The following CFAP61 variants were observed in gnomAD, a reference collection of about 807,000 sequenced individuals.
The protein encoded by CFAP61 is cilia and flagella associated protein 61, also known as cilia- and flagella-associated protein 61.
In CFAP61, 107 loss-of-function variants were observed where a neutral mutation model predicts 135.6. The ratio of observed to expected loss-of-function variants is 0.79; its 90% CI spans 0.67 to 0.93. CFAP61 has a LOEUF of 0.93. Among genes scored for constraint, CFAP61 ranks in the 40% least tolerant of loss-of-function variants. CFAP61 has a pLI of 0.00. For missense variants in CFAP61, 1,507 were observed against 1,556.2 expected, an observed-to-expected ratio of 0.97 and a Z score of 0.53; for synonymous variants, 575 against 578.5, an observed-to-expected ratio of 0.99 and a Z score of 0.09.
chr20:20,208,688 A>T (rs1025187587), intron 17 of CFAP61, among the ~76,000 whole-genome samples: 1 of 152,188 alleles, frequency 6.6e-6, no homozygotes, highest in Admixed American at 6.5e-5. Context: ...GATGCAGGAG[A>T]TGCCATCCTC....
chr20:20,277,047 T>G (rs2053814277), intron 21 of CFAP61, 119 bp from the exon 22 acceptor site: 1 of 748,534 alleles, frequency 1.3e-6, no homozygotes, highest in African/African-American at 1.7e-5. Flanking sequence ...GTAACACCGC[T>G]GGCTTCCTGC....
rs779485363 is a variant in CFAP61, at chr20:20,359,263, T to TCTAA, written c.3514-947_3514-946insCTAA. Among the ~76,000 whole-genome samples, 1 of 152,230 alleles carries TCTAA rather than the reference T, an allele frequency of 6.6e-6. No homozygotes were observed. Among genetic ancestry groups the TCTAA allele is most frequent in the Non-Finnish European group, 1.5e-5 (1 of 68,040 alleles). ...ACTTGATTGTGAATTTATTCTAAGGTTTTAAAATCCCACTTCTTGGGAATT... is the reference window on the plus strand; with the variant it reads ...ACTTGATTGTGAATTTATTCTAAGGTCTAATTTAAAATCCCACTTCTTGGGAATT... On this transcript the variant is annotated intron_variant, in intron 26 of 26. Coordinates refer to ENST00000245957, the MANE Select transcript of CFAP61 (RefSeq NM_015585.4). The surrounding 1 kb of genome is among the most constrained non-coding windows in gnomAD (Gnocchi z 4.0).
chr20:20,199,969 C>A, intron 17 of CFAP61, 67 bp downstream of exon 17: 1 of 1,558,022 alleles, frequency 6.4e-7, no homozygotes, highest in Non-Finnish European at 8.8e-7. Context: ...GATGGGGTGG[C>A]AGTGCTGTCT....
chr20:20,166,248 G>A, intron 11 of CFAP61, 149 bp from the exon 12 acceptor site: 2 of 606,210 alleles, frequency 3.3e-6, no homozygotes, highest in East Asian at 2.8e-5. Context: ...TGCGACTTAT[G>A]CACCCCATTA....
At chr20:20,074,455 T>C in intron 4 of CFAP61, 77 bp downstream of exon 4, 1 of 1,264,908 alleles carries the variant, frequency 7.9e-7, no homozygotes, top group Non-Finnish European at 1.2e-6. Flanking sequence ...TTAAAAGACA[T>C]GAAATTCTTT....
intron 22 of CFAP61, 66 bp downstream of exon 22, chr20:20,277,524 G>T: frequency 6.7e-7 from 1 of 1,487,742 alleles, no homozygotes; most frequent in Non-Finnish European, 9.1e-7. Flanking sequence ...GGGATTTGGG[G>T]GTCTGGAAGA....
chr20:20,135,283 C>T (rs1320771106), intron 8 of CFAP61, among the ~76,000 whole-genome samples: 2 of 152,178 alleles, frequency 1.3e-5, no homozygotes, highest in African/African-American at 4.8e-5. Flanking sequence ...TGATTTCCAA[C>T]TTCTTATCTC....
At chr20:20,163,775 C>T (rs2053597503) in intron 10 of CFAP61, among the ~76,000 whole-genome samples, 1 of 152,026 alleles carries the variant, frequency 6.6e-6, no homozygotes, top group South Asian at 2.1e-4. Context: ...TCCCTTTCCC[C>T]CCGACCCCCC....
rs199646093 is a variant in CFAP61, at chr20:20,118,853, A to ATT, written c.859+20051_859+20052dup. Among the ~76,000 whole-genome samples, 31 of 144,612 alleles carry ATT rather than the reference A, an allele frequency of 2.1e-4. No homozygotes were observed. In the East Asian group the frequency reaches 3.2e-3, roughly 15 times the overall value. The allele number at this position is 144,612 out of a possible 152,430, so 94.9% of individuals were successfully genotyped here. ...GAATCCCATTTGATCTTGGGGAATA[A>ATT]TTTTTTTTTTTTTGAGACAGAATTT... On this transcript the variant is annotated intron_variant, in intron 8 of 26. Coordinates refer to ENST00000245957, the MANE Select transcript of CFAP61 (RefSeq NM_015585.4).
chr20:20,304,794 G>C lies in CFAP61; in HGVS notation c.3422+6408G>C, dbSNP rs576543174. Among the ~76,000 whole-genome samples, 3 of 152,124 alleles carry C rather than the reference G, an allele frequency of 2.0e-5. No individual in the cohort carries two copies. The East Asian group carries it at 5.8e-4, about 30-fold the overall frequency. On this transcript the variant is annotated intron_variant, in intron 25 of 26. Transcript: ENST00000245957. ...TGGAGAGGAGAGGGGAGGCTGAGGCGGCTTCTTGAGATGCCGCCTGTCAGG... is the reference window on the plus strand; with the variant it reads ...TGGAGAGGAGAGGGGAGGCTGAGGCCGCTTCTTGAGATGCCGCCTGTCAGG...
At chr20:20,319,918 G>GA (rs1330113357) in intron 25 of CFAP61, among the ~76,000 whole-genome samples, 3 of 152,118 alleles carry the variant, frequency 2.0e-5, no homozygotes, top group African/African-American at 7.2e-5. Flanking sequence ...TCCTTGGTGG[G>GA]AAAACACACC....
At chr20:20,344,610 G>A (rs1020604600) in intron 26 of CFAP61, among the ~76,000 whole-genome samples, 2 of 152,294 alleles carry the variant, frequency 1.3e-5, no homozygotes, top group Admixed American at 6.5e-5. Context: ...ACAAATGCTG[G>A]CGAGGATGTG....
intron 17 of CFAP61, among the ~76,000 whole-genome samples, chr20:20,215,647 A>G (rs2047996884): frequency 6.6e-6 from 1 of 152,222 alleles, no homozygotes; most frequent in Non-Finnish European, 1.5e-5. Flanking sequence ...AAAGAAAATA[A>G]TACCACGTGA....
chr20:20,208,698 C>G (rs2056969788), intron 17 of CFAP61, among the ~76,000 whole-genome samples: 1 of 152,248 alleles, frequency 6.6e-6, no homozygotes, highest in Non-Finnish European at 1.5e-5. Flanking sequence ...ATGCCATCCT[C>G]TAGCTTTGAC....
intron 8 of CFAP61, among the ~76,000 whole-genome samples, chr20:20,117,014 G>T (rs914587365): frequency 6.6e-6 from 1 of 152,134 alleles, no homozygotes; most frequent in Non-Finnish European, 1.5e-5. Context: ...ACCATTTATT[G>T]ATGAGACTTT....
At position 20,125,737 on chromosome 20, in the gene CFAP61, T is replaced by G. The variant is rs147591754; in HGVS notation, c.860-17120T>G. On this transcript the variant is annotated intron_variant, in intron 8 of 26. Coordinates refer to ENST00000245957, the MANE Select transcript of CFAP61 (RefSeq NM_015585.4). ...TGTATGTATCTGTTAAGTCCATTTG[T>G]TCTAAGATATAGGTTAAATCCATTG... 5.1e-3 allele frequency among the ~76,000 whole-genome samples: 781 copies of G among 151,874 alleles called. 36 individuals are homozygous for G. The highest frequency in any genetic ancestry group is 0.018 in the African/African-American group (747 of 41,238).
chr20:20,164,651 T>A (rs1288055436), intron 11 of CFAP61, among the ~76,000 whole-genome samples: 1 of 152,032 alleles, frequency 6.6e-6, no homozygotes, highest in Admixed American at 6.5e-5. Flanking sequence ...ATAACTCTGG[T>A]GGTGAGACTG....
chr20:20,181,558 G>A lies in CFAP61; in HGVS notation c.1386-6372G>A, dbSNP rs77387079. ...GGTGGGGCTTCATCACTTCTTCACC[G>A]AGAGGTGTCATTTCCTGAGGACTAA... On this transcript the variant is annotated intron_variant, in intron 13 of 26. Transcript: ENST00000245957. Among the ~76,000 whole-genome samples, 1,147 of 152,168 alleles carry A rather than the reference G, an allele frequency of 7.5e-3. 11 individuals are homozygous for A. Among genetic ancestry groups the A allele is most frequent in the African/African-American group, 0.027 (1,109 of 41,532 alleles).
At position 20,052,619 on chromosome 20, in the gene CFAP61, G is replaced by A. The variant is rs545269988; in HGVS notation, c.-37+28G>A. ...GGGTAACGCCGTGCTGACTAGCAGC[G>A]ACGCAAGGACTGCGGTGCAGGGCGT... On this transcript the variant is annotated intron_variant, in intron 1 of 26. Coordinates refer to ENST00000245957, the MANE Select transcript of CFAP61 (RefSeq NM_015585.4). The A allele has an allele frequency of 3.1e-6, 5 of 1,613,708 alleles. No individual in the cohort carries two copies. The African/African-American group carries it at 6.7e-5, about 21-fold the overall frequency.
Sources: gnomAD v4.1 joint callset for allele counts (sites outside exome capture counted in the v4.1 genomes callset) on GRCh38, gnomAD v4.1.1 for gene constraint, Gnocchi (gnomAD v3.1) non-coding constraint, MANE v1.5 for transcripts, NCBI Gene and HGNC (gene_info 2026-07-23, HGNC 2026-07-21) for gene names.